UBP1: variants seen among roughly 807,000 people sequenced by gnomAD.
The protein encoded by UBP1 is upstream binding protein 1, also known as upstream-binding protein 1.
A neutral mutation model predicts 76.1 loss-of-function variants in UBP1; 22 were observed. That is an observed-to-expected ratio of 0.29 (90% CI 0.21 to 0.41). The LOEUF is 0.41. Ranked by LOEUF, UBP1 falls within the 10% of genes least tolerant of loss-of-function variation. UBP1 has a pLI of 1.00. For synonymous variants in UBP1, 224 were observed against 237.1 expected (o/e 0.94, Z 0.51); for missense variants, 436 against 668.1 (o/e 0.65, Z 3.83).
At chr3:33,430,197 C>A (rs540836032) in intron 1 of UBP1, among the ~76,000 whole-genome samples, 37 of 152,328 alleles carry the variant, frequency 2.4e-4, no homozygotes, top group African/African-American at 7.9e-4. Context: ...TAAGTCCAAG[C>A]AAGCCTAGAA....
intron 15 of UBP1, 109 bp downstream of exon 15, chr3:33,392,454 A>C: frequency 2.1e-6 from 2 of 948,350 alleles, no homozygotes; most frequent in African/African-American, 1.7e-5. Context: ...TTTCTTCTTA[A>C]AATGAGTAAA....
chr3:33,438,926 T>G (rs913153342), intron 1 of UBP1, among the ~76,000 whole-genome samples: 5 of 152,226 alleles, frequency 3.3e-5, no homozygotes, highest in Non-Finnish European at 7.3e-5. Flanking sequence ...CCACTGATTT[T>G]TAGACTTTAT....
rs1262278692 is a variant in UBP1 at position 33,388,439 on chromosome 3, T to C, written c.*1892A>G. ...CTGGTGCCAAAATTTATTTAGCCTG[T>C]TTCACTGGGACAAACTCACGTTCAA... On this transcript the variant is annotated 3_prime_UTR_variant, in exon 16 of 16. Coordinates refer to ENST00000283629, the MANE Select transcript of UBP1 (RefSeq NM_014517.5). The C allele has an allele frequency of 1.3e-5, 2 of 152,632 alleles. No homozygotes were observed. Among genetic ancestry groups the C allele is most frequent in the Non-Finnish European group, 2.9e-5 (2 of 68,032 alleles). The allele number at this position is 152,632 out of a possible 1,614,324, so 9.5% of individuals were successfully genotyped here.
intron 8 of UBP1, among the ~76,000 whole-genome samples, chr3:33,404,298 GC>G (rs2154056614): frequency 6.6e-6 from 1 of 152,156 alleles, no homozygotes; most frequent in South Asian, 2.1e-4. Context: ...TGTAATCCCA[GC>G]TACTCAGGAG....
intron 5 of UBP1, among the ~76,000 whole-genome samples, chr3:33,410,358 A>G (rs114417650): frequency 0.013 from 2,000 of 152,238 alleles, 52 homozygotes; most frequent in African/African-American, 0.046. Context: ...TGACAACACA[A>G]CCTGATATGT....
intron 1 of UBP1, 27 bp downstream of exon 1, chr3:33,439,709 C>G: frequency 6.2e-7 from 1 of 1,607,850 alleles, no homozygotes; most frequent in Middle Eastern, 1.7e-4. Flanking sequence ...GAGACAGAGG[C>G]TTCTCCCCGC....
In UBP1 at chr3:33,421,811, G is replaced by A. The variant is rs542973175; in HGVS notation, c.265+3779C>T. Among the ~76,000 whole-genome samples, 4 of 152,310 alleles carry A rather than the reference G, an allele frequency of 2.6e-5. No individual in the cohort carries two copies. The South Asian group carries it at 6.2e-4, about 24-fold the overall frequency. ...CACCTGTAATCCCAGCACTTTGAGAGGCCAAGGTGGGTGGATCACTTGAAG... is the reference window on the plus strand; with the variant it reads ...CACCTGTAATCCCAGCACTTTGAGAAGCCAAGGTGGGTGGATCACTTGAAG... On this transcript the variant is annotated intron_variant, in intron 2 of 15. Coordinates refer to ENST00000283629, the MANE Select transcript of UBP1 (RefSeq NM_014517.5).
intron 2 of UBP1, among the ~76,000 whole-genome samples, chr3:33,421,803 C>T (rs1373782778): frequency 6.6e-6 from 1 of 152,194 alleles, no homozygotes; most frequent in East Asian, 1.9e-4. Context: ...AATCCCAGCA[C>T]TTTGAGAGGC....
At chr3:33,395,750 GAAAAAAAAAAAAA>G (rs61654235) in intron 13 of UBP1, among the ~76,000 whole-genome samples, 2 of 69,778 alleles carry the variant, frequency 2.9e-5, no homozygotes, top group African/African-American at 1.3e-4. Flanking sequence ...CAGGAAAATT[GAAAAAAAAAAAAA>G]AAAAAAAAAA....
intron 3 of UBP1, among the ~76,000 whole-genome samples, chr3:33,415,281 C>T (rs1282974487): frequency 6.6e-6 from 1 of 152,216 alleles, no homozygotes; most frequent in Non-Finnish European, 1.5e-5. Context: ...AATTGATTTT[C>T]TTCAATGCCT....
At position 33,388,634 on chromosome 3, in the gene UBP1, A is replaced by G. The variant is rs2043613871; in HGVS notation, c.*1697T>C. On this transcript the variant is annotated 3_prime_UTR_variant, in exon 16 of 16. Coordinates refer to ENST00000283629, the MANE Select transcript of UBP1 (RefSeq NM_014517.5). ...AATAGACAAGCAAAACTTTTAAAACAAACGAGATAAACTCACTTCTTTCCC... is the reference window on the plus strand; with the variant it reads ...AATAGACAAGCAAAACTTTTAAAACGAACGAGATAAACTCACTTCTTTCCC... 6.6e-6 allele frequency: 1 copy of G among 152,292 alleles called. No homozygotes were observed. The highest frequency in any genetic ancestry group is 2.4e-5 in the African/African-American group (1 of 41,454). The allele number at this position is 152,292 out of a possible 1,614,324, so 9.4% of individuals were successfully genotyped here.
At chr3:33,429,288 T>C (rs1212465598) in intron 1 of UBP1, among the ~76,000 whole-genome samples, 3 of 152,002 alleles carry the variant, frequency 2.0e-5, no homozygotes, top group African/African-American at 4.8e-5. Context: ...ATCCCATAAA[T>C]GGAAACAGAC....
At chr3:33,399,557 C>CTA (rs1439468985) in intron 11 of UBP1, among the ~76,000 whole-genome samples, 1 of 152,244 alleles carries the variant, frequency 6.6e-6, no homozygotes, top group East Asian at 1.9e-4. Context: ...TCTCAAAAGG[C>CTA]TATATACTAT....
chr3:33,396,048 C>T (rs1028037315), intron 13 of UBP1, 114 bp downstream of exon 13: 1 of 929,522 alleles, frequency 1.1e-6, no homozygotes. Flanking sequence ...CCCACATGAG[C>T]AACTTGGCAT....
chr3:33,406,281 T>C (rs2044425293), intron 8 of UBP1, among the ~76,000 whole-genome samples: 2 of 152,134 alleles, frequency 1.3e-5, no homozygotes, highest in Non-Finnish European at 2.9e-5. Context: ...AGACCCTTGT[T>C]TTTCTTTCCA....
chr3:33,416,026 C>T (rs2044719525), intron 3 of UBP1: 1 of 152,184 alleles, frequency 6.6e-6, no homozygotes, highest in Admixed American at 6.6e-5. Flanking sequence ...GGCAGATCCA[C>T]AGAGGGCAGG....
At chr3:33,393,242 T>C (rs969285840) in intron 14 of UBP1, 70 bp downstream of exon 14, 3 of 1,428,942 alleles carry the variant, frequency 2.1e-6, no homozygotes, top group African/African-American at 2.9e-5. Context: ...AGAATTTTTC[T>C]ACAGTTCTAC....
Position 33,393,337 on chromosome 3 carries a change from C to T in UBP1, c.1508G>A (p.Gly503Asp). Residue 503 changes from glycine to aspartate, a missense_variant, in exon 14 of 16, where the codon GGT (glycine) becomes GAT (aspartate). Around this residue, in one of 3 missense-constraint regions of UBP1, gnomAD observed 210 missense variants for 272.8 expected, o/e 0.77. Coordinates refer to ENST00000283629, the MANE Select transcript of UBP1 (RefSeq NM_014517.5). The part of the protein sequence containing the change: ...INQVYRQGPT[G>D]IHILVSDQMV... ...CTGATCACTAACAAGAATGTGAATA[C>T]CGGTGGGACCCTGTCTGTAAACCTG... 1 of 1,607,788 alleles carries T rather than the reference C, an allele frequency of 6.2e-7. No individual in the cohort carries two copies. Among genetic ancestry groups the T allele is most frequent in the Middle Eastern group, 1.7e-4 (1 of 6,034 alleles).
At chr3:33,410,534 G>T (rs1324382907) in intron 5 of UBP1, among the ~76,000 whole-genome samples, 1 of 152,006 alleles carries the variant, frequency 6.6e-6, no homozygotes, top group Non-Finnish European at 1.5e-5. Flanking sequence ...AAATACAAAT[G>T]ATTTTTTACA....
Sources: gnomAD v4.1 joint callset for allele counts (sites outside exome capture counted in the v4.1 genomes callset) on GRCh38, gnomAD v4.1.1 for gene constraint, gnomAD v4.1.1 regional missense constraint, MANE v1.5 for transcripts, NCBI Gene and HGNC (gene_info 2026-07-23, HGNC 2026-07-21) for gene names.